The following AHCTF1 variants were observed in gnomAD, a reference collection of about 807,000 sequenced individuals.
AHCTF1 encodes the protein AT-hook containing transcription factor 1, also known as protein ELYS.
In AHCTF1, 24 loss-of-function variants were observed where a neutral mutation model predicts 248.4. That is an observed-to-expected ratio of 0.10 (90% CI 0.07 to 0.14). AHCTF1 has a LOEUF of 0.14. Ranked by LOEUF, AHCTF1 falls within the 10% of genes least tolerant of loss-of-function variation. The pLI is 1.00. For missense variants in AHCTF1, 2,206 were observed against 2,636.2 expected, an observed-to-expected ratio of 0.84 and a Z score of 3.57; for synonymous variants, 786 against 929.8, an observed-to-expected ratio of 0.85 and a Z score of 2.81.
At chr1:246,878,022 T>C (rs1254269456) in intron 21 of AHCTF1, among the ~76,000 whole-genome samples, 1 of 151,830 alleles carries the variant, frequency 6.6e-6, no homozygotes, top group Non-Finnish European at 1.5e-5. Context: ...TAATTAAATA[T>C]AGGTCTTGAC....
chr1:246,855,319 G>A (rs12097543), intron 31 of AHCTF1, among the ~76,000 whole-genome samples: 2,368 of 151,844 alleles, frequency 0.016, 62 homozygotes, highest in African/African-American at 0.053. Context: ...AATGCTCATT[G>A]GATTAAAAAA....
At chr1:246,929,979 G>A (rs1205299607) in intron 1 of AHCTF1, among the ~76,000 whole-genome samples, 6 of 151,940 alleles carry the variant, frequency 3.9e-5, no homozygotes, top group African/African-American at 7.3e-5. Flanking sequence ...TTGAACCTGG[G>A]AGACGGAGGT....
intron 33 of AHCTF1, among the ~76,000 whole-genome samples, chr1:246,845,930 C>CCAGTAGTAG (rs1176105184): frequency 6.6e-6 from 1 of 151,426 alleles, no homozygotes; most frequent in Non-Finnish European, 1.5e-5. Context: ...CTCTTACCAG[C>CCAGTAGTAG]CAGTAGTAGC....
intron 24 of AHCTF1, among the ~76,000 whole-genome samples, chr1:246,874,782 A>T (rs1474478834): frequency 6.6e-6 from 1 of 152,140 alleles, no homozygotes; most frequent in Non-Finnish European, 1.5e-5. Flanking sequence ...CTCCTTTAAC[A>T]TCTCCAGACA....
intron 3 of AHCTF1, among the ~76,000 whole-genome samples, chr1:246,914,234 G>C (rs998220559): frequency 6.6e-6 from 1 of 152,164 alleles, no homozygotes; most frequent in Non-Finnish European, 1.5e-5. Context: ...AATGTTTGGT[G>C]ATTTCTACGC....
chr1:246,877,395 G>T, intron 21 of AHCTF1, 93 bp from the exon 22 acceptor site: 1 of 1,278,718 alleles, frequency 7.8e-7, no homozygotes, highest in Non-Finnish European at 1.1e-6. Context: ...AAGATACTTT[G>T]TAAAGTATCT....
chr1:246,907,262 C>T (rs745410574), intron 5 of AHCTF1, among the ~76,000 whole-genome samples: 7 of 152,142 alleles, frequency 4.6e-5, no homozygotes, highest in Middle Eastern at 3.2e-3. Flanking sequence ...TTGACCAAAA[C>T]GTTGTAAAGT....
intron 13 of AHCTF1, 46 bp from the exon 14 acceptor site, chr1:246,894,794 A>C: frequency 2.6e-6 from 4 of 1,515,138 alleles, no homozygotes; most frequent in Non-Finnish European, 3.7e-6. Flanking sequence ...TATTAATTAC[A>C]AACAGAGTTC....
At chr1:246,895,978 T>C in intron 12 of AHCTF1, 53 bp from the exon 13 acceptor site, 2 of 1,467,924 alleles carry the variant, frequency 1.4e-6, no homozygotes, top group Non-Finnish European at 1.9e-6. Flanking sequence ...GGGTGTGAGA[T>C]CATAGGCAAG....
intron 29 of AHCTF1, among the ~76,000 whole-genome samples, 188 bp from the exon 30 acceptor site, chr1:246,858,002 C>G (rs1379517733): frequency 6.7e-6 from 1 of 150,354 alleles, no homozygotes; most frequent in Admixed American, 6.7e-5. Context: ...CTGTGTCGCC[C>G]AGGCTGGAGT....
At chr1:246,874,553 C>T (rs975310818) in intron 24 of AHCTF1, among the ~76,000 whole-genome samples, 1 of 152,058 alleles carries the variant, frequency 6.6e-6, no homozygotes, top group Non-Finnish European at 1.5e-5. Context: ...GAAACGGCCA[C>T]CCAAAAAAAT....
At chr1:246,867,034 G>A (rs73142256) in intron 26 of AHCTF1, among the ~76,000 whole-genome samples, 4,559 of 152,178 alleles carry the variant, frequency 0.03, 231 homozygotes, top group African/African-American at 0.11. Context: ...CCACTAAGCA[G>A]TCTGAAATTA....
Position 246,862,160 on chromosome 1 carries a change from T to C in AHCTF1, c.3541-7A>G, listed in dbSNP as rs370800805. ...TGGCCAAACTTTTAGCTTTCTATAG[T>C]AAAGAGCAAATGGAATTACACCATT... On this transcript the variant is annotated splice_polypyrimidine_tract_variant and splice_region_variant and intron_variant, in intron 27 of 35. Coordinates refer to ENST00000648844, the MANE Select transcript of AHCTF1 (RefSeq NM_001323342.2). The C allele has an allele frequency of 1.2e-6, 2 of 1,605,760 alleles. No homozygotes were observed. Among genetic ancestry groups the C allele is most frequent in the African/African-American group, 1.3e-5 (1 of 74,328 alleles).
intron 31 of AHCTF1, among the ~76,000 whole-genome samples, chr1:246,854,890 G>A (rs1380074429): frequency 6.6e-6 from 1 of 152,198 alleles, no homozygotes; most frequent in African/African-American, 2.4e-5. Flanking sequence ...GGAGAAATGG[G>A]CACAGAAAAC....
At chr1:246,842,134 A>G (rs1659916116) in intron 35 of AHCTF1, among the ~76,000 whole-genome samples, 1 of 151,982 alleles carries the variant, frequency 6.6e-6, no homozygotes, top group African/African-American at 2.4e-5. Context: ...CATGCTATTA[A>G]TATATAAAGA....
rs559545726 is a variant in AHCTF1, at chr1:246,852,656, T to TA, written c.4563+434dup. On this transcript the variant is annotated intron_variant, in intron 32 of 35. Transcript: ENST00000648844. Reference sequence around the variant, plus strand: ...ATTTTCAAATATATGATCTTATGACTAAAAAAACCTTTCATTTGAACCAGA... The same window carrying TA: ...ATTTTCAAATATATGATCTTATGACTAAAAAAAACCTTTCATTTGAACCAGA... Among the ~76,000 whole-genome samples the TA allele has an allele frequency of 5.3e-5, 8 of 152,278 alleles. No homozygotes were observed. In the South Asian group the frequency reaches 1.5e-3, roughly 28 times the overall value.
At chr1:246,860,189 G>T (rs962847042) in intron 29 of AHCTF1, among the ~76,000 whole-genome samples, 2 of 4,998 alleles carry the variant, frequency 4.0e-4, no homozygotes, top group African/African-American at 2.8e-3. Context: ...GAACCTGGTT[G>T]GGGGGGGGGC....
intron 1 of AHCTF1, chr1:246,931,139 C>T (rs1339919339): frequency 1.9e-6 from 3 of 1,550,208 alleles, no homozygotes; most frequent in Admixed American, 3.9e-5. Flanking sequence ...TGTGGCCAGG[C>T]CCAAGCGCAT....
chr1:246,870,446 A>AGAT (rs887250290), intron 24 of AHCTF1, among the ~76,000 whole-genome samples: 2 of 152,114 alleles, frequency 1.3e-5, no homozygotes, highest in Non-Finnish European at 2.9e-5. Context: ...AACAGACTAA[A>AGAT]GATGTGATGA....
Sources: allele counts gnomAD v4.1 joint callset (sites outside exome capture counted in the v4.1 genomes callset), GRCh38; gene constraint gnomAD v4.1.1; transcripts MANE v1.5; gene names NCBI Gene and HGNC (gene_info 2026-07-23, HGNC 2026-07-21).